The following SLC5A4 variants were observed in gnomAD, a reference collection of about 807,000 sequenced individuals.
SLC5A4 encodes the protein probable glucose sensor protein SLC5A4.
In SLC5A4, 55 loss-of-function variants were observed where a neutral mutation model predicts 70.3. That is an observed-to-expected ratio of 0.78 (90% CI 0.63 to 0.98). The LOEUF (loss-of-function observed/expected upper bound fraction) is 0.98. SLC5A4 is among the 50% of genes least tolerant of loss of function. SLC5A4 has a pLI of 0.00. For synonymous variants in SLC5A4, 268 were observed against 305.7 expected (o/e 0.88, Z 1.29); for missense variants, 735 against 839.2 (o/e 0.88, Z 1.53).
the SLC5A4 span, chr22:32,271,018 C>A: frequency 3.7e-6 from 2 of 543,020 alleles, no homozygotes; most frequent in African/African-American, 1.9e-5. Context: ...AGACTAGCCC[C>A]ACAGTCGGTG....
chr22:32,330,567 G>A, the SLC5A4 span, among the ~76,000 whole-genome samples: 2 of 132,452 alleles, frequency 1.5e-5, no homozygotes, highest in Non-Finnish European at 3.2e-5. Context: ...TGGGCTCTGT[G>A]TGTGTTGGGG....
At chr22:32,328,087 C>A in the SLC5A4 span, among the ~76,000 whole-genome samples, 2 of 135,164 alleles carry the variant, frequency 1.5e-5, no homozygotes, top group Non-Finnish European at 3.5e-5. Context: ...ACCAGAGCCC[C>A]CAACACACAA....
In SLC5A4 at chr22:32,248,739, T is replaced by C. The variant is rs766325890; in HGVS notation, c.372+4A>G. 5 of 1,607,538 alleles carry C rather than the reference T, an allele frequency of 3.1e-6. No individual in the cohort carries two copies. Among genetic ancestry groups the C allele is most frequent in the Non-Finnish European group, 4.3e-6 (5 of 1,174,094 alleles). ...ACTCTGGCATTTTGGTAACAGATAC[T>C]CACCCCCGACTTGATGTAGATAGGG... On this transcript the variant is annotated splice_donor_region_variant and intron_variant, in intron 4 of 14. Coordinates refer to ENST00000266086, the MANE Select transcript of SLC5A4 (RefSeq NM_014227.3).
At chr22:32,220,068 A>ATT (rs1435486993) in intron 14 of SLC5A4, among the ~76,000 whole-genome samples, 1 of 151,854 alleles carries the variant, frequency 6.6e-6, no homozygotes, top group East Asian at 1.9e-4. Flanking sequence ...CACAGCCCTT[A>ATT]TGGTATTATT....
chr22:32,327,103 A>C, the SLC5A4 span: 1 of 152,300 alleles, frequency 6.6e-6, no homozygotes, highest in Non-Finnish European at 1.5e-5. Flanking sequence ...TTATTACAGC[A>C]GCTACGGGAC....
the SLC5A4 span, among the ~76,000 whole-genome samples, chr22:32,310,786 G>A: frequency 6.2e-4 from 94 of 152,360 alleles, 1 homozygote; most frequent in East Asian, 0.016. Flanking sequence ...TCATGGGGCT[G>A]TTGAGAGGAT....
chr22:32,224,166 C>T lies in SLC5A4; in HGVS notation c.1665+101G>A, dbSNP rs999210833. On this transcript the variant is annotated intron_variant, in intron 13 of 14. Coordinates refer to ENST00000266086, the MANE Select transcript of SLC5A4 (RefSeq NM_014227.3). ...CCATCTCCTGACCTCGTGATCCGCC[C>T]GCCTTGGCCTCCCAAAGTGCTGGGA... The T allele has an allele frequency of 5.1e-5, 43 of 835,224 alleles. 1 individual carries two copies. In the African/African-American group the frequency reaches 5.2e-4, roughly 10 times the overall value. 51.7% of individuals were successfully genotyped at this position (835,224 alleles called of 1,614,324 possible).
intron 5 of SLC5A4, among the ~76,000 whole-genome samples, chr22:32,246,857 T>C (rs1172673544): frequency 6.6e-6 from 1 of 152,230 alleles, no homozygotes; most frequent in Admixed American, 6.5e-5. Flanking sequence ...AAAAAAGTAC[T>C]TAAAATGTAC....
chr22:32,306,130 A>T, the SLC5A4 span, among the ~76,000 whole-genome samples: 1 of 152,216 alleles, frequency 6.6e-6, no homozygotes, highest in Non-Finnish European at 1.5e-5. Flanking sequence ...AACAGTTGAC[A>T]TGACACTCCT....
At chr22:32,241,702 C>T (rs1393173766) in intron 5 of SLC5A4, among the ~76,000 whole-genome samples, 4 of 151,734 alleles carry the variant, frequency 2.6e-5, no homozygotes, top group African/African-American at 9.7e-5. Flanking sequence ...TTGCCCAGAC[C>T]AATGTCCTGA....
the SLC5A4 span, among the ~76,000 whole-genome samples, chr22:32,350,699 G>C: frequency 2.3e-4 from 35 of 151,932 alleles, no homozygotes; most frequent in Admixed American, 1.6e-3. Context: ...CAAAAATTTA[G>C]ACACGTCTTC....
chr22:32,337,991 C>T, the SLC5A4 span, among the ~76,000 whole-genome samples: 16 of 145,706 alleles, frequency 1.1e-4, no homozygotes, highest in Admixed American at 4.9e-4. Context: ...TCCCAAAATT[C>T]CTACAGCTTG....
At chr22:32,251,149 C>CAAAAAAAAAAAAAAAAAAAAAAAA (rs1169115054) in intron 3 of SLC5A4, among the ~76,000 whole-genome samples, 4 of 22,768 alleles carry the variant, frequency 1.8e-4, no homozygotes, top group East Asian at 2.3e-3. Context: ...AACAAATAAG[C>CAAAAAAAAAAAAAAAAAAAAAAAA]AAAAAAAAAA....
At chr22:32,304,934 T>C in the SLC5A4 span, among the ~76,000 whole-genome samples, 2 of 152,188 alleles carry the variant, frequency 1.3e-5, no homozygotes, top group Admixed American at 1.3e-4. Context: ...ATTCGTATTT[T>C]TCCACGTGAA....
the SLC5A4 span, among the ~76,000 whole-genome samples, chr22:32,278,577 GA>G: frequency 6.6e-6 from 1 of 152,124 alleles, no homozygotes; most frequent in Non-Finnish European, 1.5e-5. Context: ...TAAGTTTTGG[GA>G]AAATATTCTG....
chr22:32,300,110 T>C, the SLC5A4 span, among the ~76,000 whole-genome samples: 4 of 151,574 alleles, frequency 2.6e-5, no homozygotes, highest in Admixed American at 6.6e-5. Flanking sequence ...GTCTTTTTGT[T>C]TGTCTGTGCC....
chr22:32,305,841 C>T, the SLC5A4 span, among the ~76,000 whole-genome samples: 2 of 151,370 alleles, frequency 1.3e-5, no homozygotes, highest in Non-Finnish European at 1.5e-5. Context: ...TGTCCCCCCA[C>T]CCCCCACGTG....
the SLC5A4 span, among the ~76,000 whole-genome samples, chr22:32,307,876 T>C: frequency 6.6e-5 from 10 of 152,200 alleles, no homozygotes; most frequent in Admixed American, 2.0e-4. Flanking sequence ...AGACACCCTC[T>C]GATACCCACC....
chr22:32,307,137 T>C, the SLC5A4 span, among the ~76,000 whole-genome samples: 1 of 145,668 alleles, frequency 6.9e-6, no homozygotes, highest in Non-Finnish European at 1.5e-5. Context: ...TTACCATTTA[T>C]GGTACAGTGT....
Sources: gnomAD v4.1 joint callset for allele counts (sites outside exome capture counted in the v4.1 genomes callset) on GRCh38, gnomAD v4.1.1 for gene constraint, MANE v1.5 for transcripts, NCBI Gene and HGNC (gene_info 2026-07-23, HGNC 2026-07-21) for gene names.